The following IQCH variants were observed in gnomAD, a reference collection of about 807,000 sequenced individuals.
IQCH encodes IQ motif containing H.
Under a neutral mutation model 117.0 loss-of-function variants are expected in IQCH, and 98 were observed. That is an observed-to-expected ratio of 0.84 (90% CI 0.71 to 0.99). The LOEUF (loss-of-function observed/expected upper bound fraction) is 0.99. IQCH is among the 50% of genes least tolerant of loss of function. IQCH has a pLI of 0.00. For synonymous variants in IQCH, 412 were observed against 448.2 expected (o/e 0.92, Z 1.02); for missense variants, 1,102 against 1,243.8 (o/e 0.89, Z 1.72).
At position 67,467,803 on chromosome 15, in the gene IQCH, A is replaced by G. The variant is rs1484185061; in HGVS notation, c.2676+2506A>G. On this transcript the variant is annotated intron_variant, in intron 17 of 20. Transcript: ENST00000335894. This position sits in a 1 kb window ranked among gnomAD's most constrained non-coding sequence, Gnocchi z 5.7. ...TGAAGACTGAAGGAGAAGAAAATGCACAGATGAAACCACAATGATAATGAG... is the reference window on the plus strand; with the variant it reads ...TGAAGACTGAAGGAGAAGAAAATGCGCAGATGAAACCACAATGATAATGAG... Among the ~76,000 whole-genome samples, 1 of 152,268 alleles carries G rather than the reference A, an allele frequency of 6.6e-6. No individual in the cohort carries two copies. The highest frequency in any genetic ancestry group is 2.4e-5 in the African/African-American group (1 of 41,474).
intron 3 of IQCH, among the ~76,000 whole-genome samples, chr15:67,265,139 C>G (rs2140439252): frequency 6.6e-6 from 1 of 152,364 alleles, no homozygotes; most frequent in Middle Eastern, 3.4e-3. Flanking sequence ...ATCCTTTCAT[C>G]TTGACAGAGA....
intron 1 of IQCH, among the ~76,000 whole-genome samples, chr15:67,259,290 G>A (rs1965360251): frequency 6.6e-6 from 1 of 152,144 alleles, no homozygotes; most frequent in African/African-American, 2.4e-5. Flanking sequence ...TAGTAAAGAA[G>A]GAAGAAGGAT....
In IQCH at chr15:67,277,040, A is replaced by G. The variant is rs145991068; in HGVS notation, c.270-2355A>G. On this transcript the variant is annotated intron_variant, in intron 3 of 20. Transcript: ENST00000335894. ...GTTTCACTTTGAGGAGTTTATATTG[A>G]CATTTCTTCAAGATCACTGATTTTG... Among the ~76,000 whole-genome samples the G allele has an allele frequency of 2.6e-4, 39 of 152,264 alleles. 1 individual carries two copies. The highest frequency in any genetic ancestry group is 6.8e-3 in the Middle Eastern group (2 of 294).
rs962685915 is a variant in IQCH at position 67,472,366 on chromosome 15, G to A, written c.2677-3330G>A. 9.2e-5 allele frequency among the ~76,000 whole-genome samples: 14 copies of A among 152,290 alleles called. 1 individual carries two copies. The highest frequency in any genetic ancestry group is 1.7e-4 in the African/African-American group (7 of 41,568). On this transcript the variant is annotated intron_variant, in intron 17 of 20. Transcript: ENST00000335894. The surrounding 1 kb of genome is among the most constrained non-coding windows in gnomAD (Gnocchi z 4.3). ...TTGGGGAGGTCTACCCACCACACCA[G>A]GGTCTAGATTTCACCGTGAAGGCAA...
Position 67,385,046 on chromosome 15 carries a change from A to T in IQCH, c.1456+27A>T, listed in dbSNP as rs770898846. The T allele has an allele frequency of 2.2e-6, 3 of 1,366,656 alleles. No individual in the cohort carries two copies. Among genetic ancestry groups the T allele is most frequent in the Non-Finnish European group, 3.1e-6 (3 of 958,442 alleles). The allele number at this position is 1,366,656 out of a possible 1,614,324, so 84.7% of individuals were successfully genotyped here. A position where few individuals can be genotyped will look rare whatever the true frequency, so the allele number is the denominator to read the frequency against. ...TACAGTAAATAGTTTTACACAAATGACTCTTTGGAATGTTTATCAGTGGAT... is the reference window on the plus strand; with the variant it reads ...TACAGTAAATAGTTTTACACAAATGTCTCTTTGGAATGTTTATCAGTGGAT... On this transcript the variant is annotated intron_variant, in intron 11 of 20. Transcript: ENST00000335894. This position sits in a 1 kb window ranked among gnomAD's most constrained non-coding sequence, Gnocchi z 4.6.
chr15:67,322,562 C>T (rs1008331017), intron 4 of IQCH, among the ~76,000 whole-genome samples: 1 of 152,124 alleles, frequency 6.6e-6, no homozygotes, highest in Non-Finnish European at 1.5e-5. Flanking sequence ...CCACAACTGG[C>T]GACATACACC....
In IQCH at chr15:67,425,984, TGA is replaced by T. The variant is rs1311635189; in HGVS notation, c.2505+4412_2505+4413del. Reference sequence around the variant, plus strand: ...GCTCAGTTGTTCCAGATTTGGCCAGTGAGAGACCCTTCAGGGTGTGTCTTGTG... The same window carrying T: ...GCTCAGTTGTTCCAGATTTGGCCAGTGAGACCCTTCAGGGTGTGTCTTGTG... On this transcript the variant is annotated intron_variant, in intron 16 of 20. Coordinates refer to ENST00000335894, the MANE Select transcript of IQCH (RefSeq NM_001031715.3). The surrounding 1 kb of genome is among the most constrained non-coding windows in gnomAD (Gnocchi z 5.5). Among the ~76,000 whole-genome samples, 5 of 152,202 alleles carry T rather than the reference TGA, an allele frequency of 3.3e-5. No individual in the cohort carries two copies. Among genetic ancestry groups the T allele is most frequent in the Non-Finnish European group, 7.4e-5 (5 of 68,024 alleles).
chr15:67,289,904 T>C (rs1329239092), intron 4 of IQCH, among the ~76,000 whole-genome samples: 2 of 152,104 alleles, frequency 1.3e-5, no homozygotes, highest in African/African-American at 2.4e-5. Context: ...CAAACTTTCA[T>C]GTAACAAAGT....
At chr15:67,429,515 C>T (rs1242781586) in intron 16 of IQCH, among the ~76,000 whole-genome samples, 1 of 151,932 alleles carries the variant, frequency 6.6e-6, no homozygotes, top group Non-Finnish European at 1.5e-5. Flanking sequence ...GAGACCCTGT[C>T]TCAAAAAAAT....
rs895576661 is a variant in IQCH at position 67,447,395 on chromosome 15, C to T, written c.2506-17732C>T. On this transcript the variant is annotated intron_variant, in intron 16 of 20. Transcript: ENST00000335894. The surrounding 1 kb of genome is among the most constrained non-coding windows in gnomAD (Gnocchi z 5.3). ...GGGTGCTGAATCTTTCCTACAAACA[C>T]GAGTCTGTAGGAAACAGTGGCAAAG... Among the ~76,000 whole-genome samples the T allele has an allele frequency of 1.1e-4, 16 of 152,088 alleles. No individual in the cohort carries two copies. The highest frequency in any genetic ancestry group is 1.5e-4 in the Non-Finnish European group (10 of 68,018).
intron 12 of IQCH, among the ~76,000 whole-genome samples, chr15:67,392,085 G>A (rs372047955): frequency 1.2e-4 from 19 of 152,294 alleles, no homozygotes; most frequent in African/African-American, 4.6e-4. Flanking sequence ...TGCCTCTGCT[G>A]TTTACTAGCT....
intron 3 of IQCH, among the ~76,000 whole-genome samples, chr15:67,266,785 G>A (rs1370621870): frequency 6.6e-6 from 1 of 152,084 alleles, no homozygotes; most frequent in Non-Finnish European, 1.5e-5. Flanking sequence ...TTTTTTGGCT[G>A]ACTTTTCTTA....
In IQCH at chr15:67,425,569, G is replaced by A. The variant is rs1409756235; in HGVS notation, c.2505+3992G>A. On this transcript the variant is annotated intron_variant, in intron 16 of 20. Transcript: ENST00000335894. The surrounding 1 kb of genome is among the most constrained non-coding windows in gnomAD (Gnocchi z 5.5). ...GGAGGTTGCAGTGAGCCAAGATCGC[G>A]CCACTGCACTCCAGCCTGGGCGACA... Among the ~76,000 whole-genome samples, 4 of 152,238 alleles carry A rather than the reference G, an allele frequency of 2.6e-5. No homozygotes were observed. The highest frequency in any genetic ancestry group is 1.9e-4 in the East Asian group (1 of 5,176).
At chr15:67,412,240 T>G (rs1375395817) in intron 14 of IQCH, among the ~76,000 whole-genome samples, 3 of 152,228 alleles carry the variant, frequency 2.0e-5, no homozygotes, top group African/African-American at 7.2e-5. Context: ...GGTATATATT[T>G]TTATTTCCAC....
Position 67,366,563 on chromosome 15 carries a change from T to A in IQCH, c.754-5548T>A, listed in dbSNP as rs1421064566. 6.6e-6 allele frequency among the ~76,000 whole-genome samples: 1 copy of A among 152,198 alleles called. No homozygotes were observed. The highest frequency in any genetic ancestry group is 1.5e-5 in the Non-Finnish European group (1 of 68,024). ...CCTTTCAAAGCAATTGCAGAAATTA[T>A]TCCTAGAAAATTGCTGCTGATCTGA... On this transcript the variant is annotated intron_variant, in intron 8 of 20. Transcript: ENST00000335894. This position sits in a 1 kb window ranked among gnomAD's most constrained non-coding sequence, Gnocchi z 4.4.
intron 16 of IQCH, among the ~76,000 whole-genome samples, chr15:67,450,407 A>C (rs980085936): frequency 6.6e-6 from 1 of 152,092 alleles, no homozygotes; most frequent in African/African-American, 2.4e-5. Flanking sequence ...ATCAATACCT[A>C]ATTTATTGAG....
At chr15:67,290,339 T>C (rs1459349175) in intron 4 of IQCH, among the ~76,000 whole-genome samples, 1 of 152,126 alleles carries the variant, frequency 6.6e-6, no homozygotes, top group African/African-American at 2.4e-5. Context: ...GTAATAACTT[T>C]TTTATTTTAA....
chr15:67,313,052 A>G (rs1334414665), intron 4 of IQCH, among the ~76,000 whole-genome samples: 2 of 152,322 alleles, frequency 1.3e-5, no homozygotes, highest in East Asian at 3.9e-4. Context: ...GTAAACCCAG[A>G]AGATACTTAC....
At chr15:67,294,759 G>C (rs1966842752) in intron 4 of IQCH, among the ~76,000 whole-genome samples, 1 of 152,328 alleles carries the variant, frequency 6.6e-6, no homozygotes, top group African/African-American at 2.4e-5. Flanking sequence ...TCTGCCATGT[G>C]AGAATAGACC....
Sources: gnomAD v4.1 joint callset for allele counts (sites outside exome capture counted in the v4.1 genomes callset) on GRCh38, gnomAD v4.1.1 for gene constraint, Gnocchi (gnomAD v3.1) non-coding constraint, MANE v1.5 for transcripts, NCBI Gene and HGNC (gene_info 2026-07-23, HGNC 2026-07-21) for gene names.